The following DACH2 variants were observed in gnomAD, a reference collection of about 807,000 sequenced individuals.
DACH2 encodes the protein dachshund homolog 2.
Under a neutral mutation model 35.8 loss-of-function variants are expected in DACH2, and 17 were observed. The ratio of observed to expected loss-of-function variants is 0.48; its 90% CI spans 0.33 to 0.71. The LOEUF (loss-of-function observed/expected upper bound fraction) is 0.71. Among genes scored for constraint, DACH2 ranks in the 30% least tolerant of loss-of-function variants. The pLI is 0.02. For missense variants in DACH2, 469 were observed against 472.7 expected (o/e 0.99, Z 0.07); for synonymous variants, 195 against 177.3 (o/e 1.10, Z -0.79).
At chrX:86,546,410 T>TC (rs1569435814) in intron 3 of DACH2, among the ~76,000 whole-genome samples, 44 of 88,699 alleles carry the variant, frequency 5.0e-4, no homozygotes, top group Admixed American at 1.1e-3. Flanking sequence ...TCTTCCTTCT[T>TC]CTTCTTCTTT....
At chrX:86,257,172 G>A (rs899718635) in intron 1 of DACH2, among the ~76,000 whole-genome samples, 10 of 111,143 alleles carry the variant, frequency 9.0e-5, no homozygotes, top group East Asian at 2.8e-4. Flanking sequence ...GTTGGTGGGC[G>A]TATTGATTGT....
intron 2 of DACH2, among the ~76,000 whole-genome samples, chrX:86,506,153 C>T (rs898225367): frequency 2.7e-5 from 3 of 111,523 alleles, no homozygotes; most frequent in Admixed American, 1.9e-4. Flanking sequence ...CTGAAATCAA[C>T]GTGGTAGCCA....
In DACH2 at chrX:86,226,307, T is replaced by C. The variant is rs763427483; in HGVS notation, c.488+77199T>C. On this transcript the variant is annotated intron_variant, in intron 1 of 11. Coordinates refer to ENST00000373125, the MANE Select transcript of DACH2 (RefSeq NM_053281.3). ...CAGTGAACAGAAAAGGACTTTTAAATGTCTGGAAGCTTGCAGCTATCAATG... is the reference window on the plus strand; with the variant it reads ...CAGTGAACAGAAAAGGACTTTTAAACGTCTGGAAGCTTGCAGCTATCAATG... 2.7e-5 allele frequency among the ~76,000 whole-genome samples: 3 copies of C among 111,730 alleles called. No homozygotes were observed. In the South Asian group the frequency reaches 1.1e-3, roughly 42 times the overall value.
rs767458321 is a variant in DACH2 at position 86,536,472 on chromosome X, A to G, written c.640+22081A>G. On this transcript the variant is annotated intron_variant, in intron 3 of 11. Coordinates refer to ENST00000373125, the MANE Select transcript of DACH2 (RefSeq NM_053281.3). ...CCTTCCATTACTATGTCTTTTCAAG[A>G]GAGTCTGACAAGAGGACATCCACCA... is the stretch of plus-strand genomic sequence containing the variant. Among the ~76,000 whole-genome samples, 88 of 112,322 alleles carry G rather than the reference A, an allele frequency of 7.8e-4. 1 individual carries two copies. In the Middle Eastern group the frequency reaches 0.037, roughly 47 times the overall value.
chrX:86,534,706 T>C (rs901894355), intron 3 of DACH2, among the ~76,000 whole-genome samples: 10 of 111,465 alleles, frequency 9.0e-5, no homozygotes, highest in Non-Finnish European at 1.3e-4. Flanking sequence ...TCTTTTTTAA[T>C]TGTTTATTTT....
intron 7 of DACH2, among the ~76,000 whole-genome samples, chrX:86,789,615 C>T (rs1005807840): frequency 8.9e-6 from 1 of 111,795 alleles, no homozygotes; most frequent in East Asian, 2.8e-4. Context: ...AAGGAGTCTG[C>T]CATCTTTTAA....
chrX:86,398,554 G>A (rs1040101411), intron 2 of DACH2, among the ~76,000 whole-genome samples: 1 of 111,773 alleles, frequency 8.9e-6, no homozygotes, highest in Non-Finnish European at 1.9e-5. Context: ...TCTACACACT[G>A]CTTTGAATGT....
In DACH2 at chrX:86,574,705, A is replaced by G. The variant is rs746417672; in HGVS notation, c.640+60314A>G. ...ATGTGAAATTTTTGCATTGTTTATTAAATAGGAGTTTCAAAGCAAGTTGGG... is the reference window on the plus strand; with the variant it reads ...ATGTGAAATTTTTGCATTGTTTATTGAATAGGAGTTTCAAAGCAAGTTGGG... On this transcript the variant is annotated intron_variant, in intron 3 of 11. Transcript: ENST00000373125. 3.6e-5 allele frequency among the ~76,000 whole-genome samples: 4 copies of G among 111,805 alleles called. 1 individual carries two copies. In the South Asian group the frequency reaches 1.5e-3, roughly 41 times the overall value.
chrX:86,603,574 A>G (rs985820852), intron 3 of DACH2, among the ~76,000 whole-genome samples: 4 of 110,916 alleles, frequency 3.6e-5, no homozygotes, highest in African/African-American at 1.3e-4. Flanking sequence ...CTAGCTATGA[A>G]CCCAGACAAC....
At chrX:86,637,241 A>AAAAAAAAAAAAAC (rs1569457456) in intron 3 of DACH2, among the ~76,000 whole-genome samples, 4 of 77,932 alleles carry the variant, frequency 5.1e-5, no homozygotes, top group African/African-American at 9.9e-5. Context: ...AAAAAAAAAA[A>AAAAAAAAAAAAAC]AAAAACAGAT....
intron 1 of DACH2, among the ~76,000 whole-genome samples, chrX:86,293,548 G>A (rs2034361753): frequency 1.8e-5 from 2 of 110,043 alleles, no homozygotes; most frequent in African/African-American, 3.3e-5. Flanking sequence ...GCATGATTTG[G>A]CAGCGGCTGG....
intron 2 of DACH2, among the ~76,000 whole-genome samples, chrX:86,507,685 A>C (rs1439104884): frequency 1.8e-5 from 2 of 111,804 alleles, no homozygotes; most frequent in East Asian, 2.8e-4. Context: ...AAAAAGATAT[A>C]TTGGAGCAGG....
intron 1 of DACH2, among the ~76,000 whole-genome samples, chrX:86,349,103 G>T (rs776569397): frequency 8.9e-6 from 1 of 112,285 alleles, no homozygotes; most frequent in African/African-American, 3.2e-5. Context: ...TGGTGTACCA[G>T]AAGAATTGGA....
intron 2 of DACH2, among the ~76,000 whole-genome samples, chrX:86,400,230 A>G (rs191458214): frequency 2.7e-5 from 3 of 111,274 alleles, no homozygotes; most frequent in East Asian, 2.8e-4. Flanking sequence ...TTTCAGCTCT[A>G]TCAGGTCCTT....
At chrX:86,519,487 TACATCTCGTA>T (rs1301930677) in intron 3 of DACH2, among the ~76,000 whole-genome samples, 54 of 111,714 alleles carry the variant, frequency 4.8e-4, no homozygotes, top group Non-Finnish European at 8.7e-4. Context: ...CTCTTCTTTA[TACATCTCGTA>T]AAATTTAGCT....
chrX:86,417,601 C>T (rs1378323460), intron 2 of DACH2, among the ~76,000 whole-genome samples: 5 of 111,188 alleles, frequency 4.5e-5, no homozygotes, highest in South Asian at 3.8e-4. Flanking sequence ...GCAGGAAAGA[C>T]CCACCCCCAT....
At chrX:86,400,683 G>A (rs1258920487) in intron 2 of DACH2, among the ~76,000 whole-genome samples, 4 of 111,783 alleles carry the variant, frequency 3.6e-5, no homozygotes, top group Non-Finnish European at 7.5e-5. Context: ...AGCAGTTTCT[G>A]CAGAACAGCG....
chrX:86,342,811 A>T (rs530483557), intron 1 of DACH2, among the ~76,000 whole-genome samples: 46 of 109,386 alleles, frequency 4.2e-4, no homozygotes, highest in Non-Finnish European at 7.0e-4. Context: ...ATAAATAAAT[A>T]AATTAATTAA....
At chrX:86,320,313 G>A (rs908860648) in intron 1 of DACH2, among the ~76,000 whole-genome samples, 1 of 112,152 alleles carries the variant, frequency 8.9e-6, no homozygotes, top group Non-Finnish European at 1.9e-5. Context: ...TAAGCTGAGC[G>A]CTCTTTAAGA....
Sources: allele counts gnomAD v4.1 joint callset (sites outside exome capture counted in the v4.1 genomes callset), GRCh38; gene constraint gnomAD v4.1.1; transcripts MANE v1.5; gene names NCBI Gene and HGNC (gene_info 2026-07-23, HGNC 2026-07-21).